The following ADGRL2 variants were observed in gnomAD, a reference collection of about 807,000 sequenced individuals.
ADGRL2 encodes the protein adhesion G protein-coupled receptor L2, also known as calcium-independent alpha-latrotoxin receptor 2.
A neutral mutation model predicts 157.4 loss-of-function variants in ADGRL2; 44 were observed. That is an observed-to-expected ratio of 0.28 (90% CI 0.22 to 0.36). The LOEUF is 0.36. ADGRL2 is among the 10% of genes least tolerant of loss of function. ADGRL2 has a pLI of 1.00. For missense variants in ADGRL2, 1,510 were observed against 1,768.9 expected (o/e 0.85, Z 2.63); for synonymous variants, 585 against 624.7 (o/e 0.94, Z 0.95).
chr1:81,575,013 A>G (rs1416829356), intron 2 of ADGRL2, among the ~76,000 whole-genome samples: 2 of 152,218 alleles, frequency 1.3e-5, no homozygotes, highest in African/African-American at 2.4e-5. Context: ...CTATGGCATT[A>G]TACTTACCTC....
intron 1 of ADGRL2, among the ~76,000 whole-genome samples, chr1:81,715,875 G>A (rs1217288320): frequency 6.6e-6 from 1 of 151,998 alleles, no homozygotes. Context: ...AGGTTTTGAG[G>A]CCAACCAGAT....
At chr1:81,497,973 G>T (rs556978055) in intron 2 of ADGRL2, among the ~76,000 whole-genome samples, 1 of 152,128 alleles carries the variant, frequency 6.6e-6, no homozygotes, top group Non-Finnish European at 1.5e-5. Flanking sequence ...TTGGGAGGCC[G>T]AGGCGGGCAG....
chr1:81,746,462 C>A (rs2085249773), intron 1 of ADGRL2, among the ~76,000 whole-genome samples: 1 of 151,872 alleles, frequency 6.6e-6, no homozygotes, highest in African/African-American at 2.4e-5. Context: ...ACTAATTTTT[C>A]TATTTTTTGT....
chr1:81,783,217 C>T (rs1288682172), intron 2 of ADGRL2, among the ~76,000 whole-genome samples: 7 of 152,120 alleles, frequency 4.6e-5, no homozygotes, highest in Non-Finnish European at 7.4e-5. Context: ...TCCACCTCCC[C>T]GGTTCAGGCA....
chr1:81,887,042 T>TAGAC (rs1387001622), intron 2 of ADGRL2, among the ~76,000 whole-genome samples: 1 of 152,218 alleles, frequency 6.6e-6, no homozygotes, highest in African/African-American at 2.4e-5. Flanking sequence ...TAGCTAAAGA[T>TAGAC]AGACATTCCT....
At chr1:81,595,379 T>G (rs1924558) in intron 3 of ADGRL2, among the ~76,000 whole-genome samples, 48,731 of 152,022 alleles carry the variant, frequency 0.32, 8,202 homozygotes, top group Admixed American at 0.39. Flanking sequence ...TTGTGAACAA[T>G]GTGCCTATTT....
At chr1:81,483,301 A>G (rs766576970) in intron 2 of ADGRL2, among the ~76,000 whole-genome samples, 1 of 152,206 alleles carries the variant, frequency 6.6e-6, no homozygotes, top group Non-Finnish European at 1.5e-5. Context: ...CGGCTGTTAT[A>G]GCCTAAGAAG....
chr1:81,623,635 CTTTTTTT>C (rs752595573), intron 3 of ADGRL2, among the ~76,000 whole-genome samples: 1 of 118,966 alleles, frequency 8.4e-6, no homozygotes, highest in South Asian at 2.7e-4. Context: ...TGATATCTTC[CTTTTTTT>C]TTTTTTTTTT....
intron 2 of ADGRL2, among the ~76,000 whole-genome samples, chr1:81,777,606 A>AT (rs2086637488): frequency 6.6e-6 from 1 of 152,074 alleles, no homozygotes; most frequent in African/African-American, 2.4e-5. Flanking sequence ...ACCCATCTCT[A>AT]CAAAAAATTA....
intron 2 of ADGRL2, among the ~76,000 whole-genome samples, chr1:81,452,503 T>C (rs1004236639): frequency 6.6e-6 from 1 of 152,174 alleles, no homozygotes. Context: ...GAATAAATAA[T>C]ATCATTCAAC....
intron 2 of ADGRL2, among the ~76,000 whole-genome samples, chr1:81,517,457 T>C (rs1207334748): frequency 1.2e-5 from 1 of 81,816 alleles, no homozygotes; most frequent in Non-Finnish European, 2.1e-5. Flanking sequence ...AGAGCGAGAC[T>C]CCCTCTCAAA....
chr1:81,803,453 G>C (rs2088622451), intron 1 of ADGRL2, among the ~76,000 whole-genome samples: 1 of 152,032 alleles, frequency 6.6e-6, no homozygotes, highest in Admixed American at 6.5e-5. Flanking sequence ...CCAATCCTCT[G>C]TTCACTCTGT....
intron 6 of ADGRL2, among the ~76,000 whole-genome samples, chr1:81,948,221 A>C (rs1182719743): frequency 1.3e-5 from 2 of 150,186 alleles, no homozygotes; most frequent in Admixed American, 6.7e-5. Context: ...ATCTCAAAAA[A>C]AAAAACAAAA....
At chr1:81,366,422 G>C (rs2076067995) in intron 1 of ADGRL2, among the ~76,000 whole-genome samples, 1 of 152,130 alleles carries the variant, frequency 6.6e-6, no homozygotes, top group Non-Finnish European at 1.5e-5. Context: ...AACCACTGTA[G>C]CCAGAGAGTA....
chr1:81,984,250 A>G (rs1002118374), intron 19 of ADGRL2: 2 of 160,370 alleles, frequency 1.2e-5, no homozygotes, highest in African/African-American at 4.8e-5. Flanking sequence ...AGCATAAAAA[A>G]TTGGAGTTAC....
chr1:81,966,048 C>G lies in ADGRL2; in HGVS notation c.2018-10C>G, dbSNP rs758546309. On this transcript the variant is annotated splice_polypyrimidine_tract_variant and intron_variant, in intron 11 of 23. Coordinates refer to ENST00000686636, the MANE Select transcript of ADGRL2 (RefSeq NM_001366006.2). ...TTTTCCCCACCTCCTTTATCTTTTC[C>G]CTCATCCAGTCCTGGAAGTTGCCGT... 25 of 1,613,168 alleles carry G rather than the reference C, an allele frequency of 1.5e-5. No individual in the cohort carries two copies. Among genetic ancestry groups the G allele is most frequent in the Non-Finnish European group, 2.1e-5 (25 of 1,179,512 alleles).
intron 3 of ADGRL2, among the ~76,000 whole-genome samples, chr1:81,934,632 G>A (rs2095282982): frequency 6.6e-6 from 1 of 152,012 alleles, no homozygotes; most frequent in Non-Finnish European, 1.5e-5. Flanking sequence ...GTTGATATGA[G>A]AGGAGCCTTT....
At chr1:81,794,817 A>G (rs1346824375) in intron 2 of ADGRL2, among the ~76,000 whole-genome samples, 1 of 152,186 alleles carries the variant, frequency 6.6e-6, no homozygotes, top group Non-Finnish European at 1.5e-5. Flanking sequence ...TTAAGAAACT[A>G]TGTTGATGGG....
At chr1:81,670,132 A>G (rs2148912678) in intron 3 of ADGRL2, among the ~76,000 whole-genome samples, 1 of 152,288 alleles carries the variant, frequency 6.6e-6, no homozygotes, top group East Asian at 1.9e-4. Flanking sequence ...GCTAATTTTG[A>G]AAATCTTTTA....
Sources: allele counts gnomAD v4.1 joint callset (sites outside exome capture counted in the v4.1 genomes callset), GRCh38; gene constraint gnomAD v4.1.1; transcripts MANE v1.5; gene names NCBI Gene and HGNC (gene_info 2026-07-23, HGNC 2026-07-21).